ZNF385B: variants seen among roughly 807,000 people sequenced by gnomAD.
ZNF385B encodes zinc finger protein 385B.
ZNF385B carries 23 observed loss-of-function variants against 39.2 expected under a neutral mutation model. The observed-to-expected ratio is 0.59, with a 90% CI of 0.42 to 0.83. The LOEUF (loss-of-function observed/expected upper bound fraction) is 0.83. Ranked by LOEUF, ZNF385B falls within the 40% of genes least tolerant of loss-of-function variation. The pLI is 0.00. For synonymous variants in ZNF385B, 205 were observed against 222.6 expected (o/e 0.92, Z 0.70); for missense variants, 552 against 598.9 (o/e 0.92, Z 0.82).
chr2:179,578,420 T>C (rs948347217), intron 3 of ZNF385B, among the ~76,000 whole-genome samples: 3 of 152,104 alleles, frequency 2.0e-5, no homozygotes, highest in Non-Finnish European at 4.4e-5. Context: ...AGCAAACTAA[T>C]GTAGTAGGCA....
rs538281713 is a variant in ZNF385B, at chr2:179,647,071, C to A, written c.299-102102G>T. On this transcript the variant is annotated intron_variant, in intron 3 of 9. Transcript: ENST00000410066. ...CACAAACTCACCCAGCAGCACAAAC[C>A]TCCCACACCATGTATTATCTATATG... is the stretch of plus-strand genomic sequence containing the variant. 8.5e-5 allele frequency among the ~76,000 whole-genome samples: 13 copies of A among 152,320 alleles called. No individual in the cohort carries two copies. The South Asian group carries it at 1.0e-3, about 12-fold the overall frequency.
At chr2:179,509,622 T>C (rs2057514809) in intron 5 of ZNF385B, among the ~76,000 whole-genome samples, 2 of 152,198 alleles carry the variant, frequency 1.3e-5, no homozygotes, top group South Asian at 4.1e-4. Flanking sequence ...AACCTAAGAA[T>C]CAATATAAAT....
intron 3 of ZNF385B, among the ~76,000 whole-genome samples, chr2:179,558,661 C>T (rs1474692770): frequency 6.6e-6 from 1 of 152,182 alleles, no homozygotes; most frequent in Non-Finnish European, 1.5e-5. Flanking sequence ...AAAATCTGCT[C>T]TAAACCCTTT....
chr2:179,575,891 A>C (rs1685757169), intron 3 of ZNF385B, among the ~76,000 whole-genome samples: 1 of 152,162 alleles, frequency 6.6e-6, no homozygotes, highest in African/African-American at 2.4e-5. Context: ...AAGTGCTACA[A>C]GATTTTCATT....
intron 3 of ZNF385B, among the ~76,000 whole-genome samples, chr2:179,584,933 G>A (rs1686930982): frequency 6.6e-6 from 1 of 152,158 alleles, no homozygotes; most frequent in Admixed American, 6.5e-5. Context: ...GAAAATCAGG[G>A]CAGTCCTGAT....
rs555930244 is a variant in ZNF385B at position 179,719,191 on chromosome 2, A to T, written c.298+50312T>A. ...CACCCATGAGCCCACCCCAGGTTTC[A>T]AAGGACATCCAGGGTAAACATCCAT... On this transcript the variant is annotated intron_variant, in intron 3 of 9. Coordinates refer to ENST00000410066, the MANE Select transcript of ZNF385B (RefSeq NM_152520.6). 1.9e-4 allele frequency among the ~76,000 whole-genome samples: 29 copies of T among 152,238 alleles called. No individual in the cohort carries two copies. The South Asian group carries it at 6.0e-3, about 32-fold the overall frequency.
intron 3 of ZNF385B, among the ~76,000 whole-genome samples, chr2:179,624,492 T>C (rs1167944724): frequency 6.6e-6 from 1 of 152,230 alleles, no homozygotes; most frequent in Non-Finnish European, 1.5e-5. Context: ...CAATTGTGGA[T>C]TGTTGTAGGA....
chr2:179,701,951 G>A (rs16866933), intron 3 of ZNF385B, among the ~76,000 whole-genome samples: 14,962 of 152,194 alleles, frequency 0.098, 1,165 homozygotes, highest in East Asian at 0.41. Context: ...GCCTCCCAGA[G>A]ATGAATCCTC....
intron 3 of ZNF385B, among the ~76,000 whole-genome samples, chr2:179,575,325 C>T (rs1055194962): frequency 3.9e-5 from 6 of 152,202 alleles, no homozygotes; most frequent in Middle Eastern, 3.4e-3. Context: ...AACAAGATTT[C>T]GTACAAATCT....
chr2:179,735,460 G>A (rs1360975988), intron 3 of ZNF385B, among the ~76,000 whole-genome samples: 2 of 124,688 alleles, frequency 1.6e-5, no homozygotes, highest in African/African-American at 6.1e-5. Flanking sequence ...CAACCATTGT[G>A]GAAGTCAGTG....
At chr2:179,644,108 A>G (rs1170143924) in intron 3 of ZNF385B, among the ~76,000 whole-genome samples, 2 of 152,120 alleles carry the variant, frequency 1.3e-5, no homozygotes, top group Non-Finnish European at 2.9e-5. Context: ...CAAAAAGAAT[A>G]TGGAATCTGA....
intron 3 of ZNF385B, among the ~76,000 whole-genome samples, chr2:179,656,123 T>C (rs1369492111): frequency 2.0e-5 from 3 of 152,206 alleles, no homozygotes; most frequent in African/African-American, 7.2e-5. Flanking sequence ...CCTTCATGGA[T>C]AATACCTTTA....
In ZNF385B at chr2:179,453,744, A is replaced by C. The variant is rs541111712; in HGVS notation, c.716-6974T>G. Among the ~76,000 whole-genome samples the C allele has an allele frequency of 1.1e-4, 17 of 152,278 alleles. 1 individual carries two copies. Among genetic ancestry groups the C allele is most frequent in the Admixed American group, 1.0e-3 (16 of 15,266 alleles). ...GGCTCAAATCATGTTGTTAGTGCCC[A>C]ACGTAAGAAGTCTGATCACTAGGAC... is the stretch of plus-strand genomic sequence containing the variant. On this transcript the variant is annotated intron_variant, in intron 6 of 9. Transcript: ENST00000410066.
At chr2:179,552,021 A>G (rs1199657746) in intron 3 of ZNF385B, among the ~76,000 whole-genome samples, 1 of 149,716 alleles carries the variant, frequency 6.7e-6, no homozygotes. Flanking sequence ...TATGAAACCA[A>G]TAATATGTAA....
At chr2:179,723,084 T>C (rs929654349) in intron 3 of ZNF385B, among the ~76,000 whole-genome samples, 1 of 152,184 alleles carries the variant, frequency 6.6e-6, no homozygotes, top group Non-Finnish European at 1.5e-5. Context: ...TGTGACACAA[T>C]AGACTGATCA....
intron 1 of ZNF385B, among the ~76,000 whole-genome samples, chr2:179,803,166 G>A (rs1309863770): frequency 6.6e-6 from 1 of 152,148 alleles, no homozygotes; most frequent in Non-Finnish European, 1.5e-5. Context: ...AAAATTCAGA[G>A]AATCTGGCTT....
chr2:179,450,118 C>T (rs2049944934), intron 6 of ZNF385B, among the ~76,000 whole-genome samples: 1 of 151,786 alleles, frequency 6.6e-6, no homozygotes, highest in Admixed American at 6.6e-5. Flanking sequence ...GGATTAAAGA[C>T]TTAAATGTTA....
chr2:179,563,198 A>G (rs1684140476), intron 3 of ZNF385B, among the ~76,000 whole-genome samples: 1 of 152,184 alleles, frequency 6.6e-6, no homozygotes, highest in African/African-American at 2.4e-5. Context: ...AAACTGATTT[A>G]TTATTGCTCT....
chr2:179,823,328 T>C (rs150555586), intron 1 of ZNF385B, among the ~76,000 whole-genome samples: 1 of 152,288 alleles, frequency 6.6e-6, no homozygotes, highest in Non-Finnish European at 1.5e-5. Flanking sequence ...GATGAAAATG[T>C]TTGCTGTGTC....
Sources: allele counts gnomAD v4.1 joint callset (sites outside exome capture counted in the v4.1 genomes callset), GRCh38; gene constraint gnomAD v4.1.1; transcripts MANE v1.5; gene names NCBI Gene and HGNC (gene_info 2026-07-23, HGNC 2026-07-21).